GALNT17: variants seen among roughly 807,000 people sequenced by gnomAD.
GALNT17 encodes the protein UDP-GalNAc:polypeptide N-acetylgalactosaminyltransferase-like 3.
A neutral mutation model predicts 63.7 loss-of-function variants in GALNT17; 29 were observed. That is an observed-to-expected ratio of 0.46 (90% confidence interval 0.34 to 0.62). The LOEUF (loss-of-function observed/expected upper bound fraction) is 0.62, where lower values mean the gene tolerates loss of function less well. Ranked by LOEUF, GALNT17 falls within the 20% of genes least tolerant of loss-of-function variation. The probability of loss-of-function intolerance (pLI) is 0.01; values close to 1 mark genes in which losing one functional copy is unlikely to be tolerated. For missense variants in GALNT17, 603 were observed against 799.6 expected (o/e 0.75, Z 2.97); for synonymous variants, 305 against 318.3 (o/e 0.96, Z 0.45).
intron 6 of GALNT17, among the ~76,000 whole-genome samples, chr7:71,658,126 T>G (rs981536491): frequency 2.6e-5 from 4 of 152,144 alleles, no homozygotes; most frequent in Admixed American, 6.5e-5. Context: ...AGGCTGGTCT[T>G]GAACTCCTGG....
At chr7:71,379,694 G>A (rs1583904786) in intron 2 of GALNT17, among the ~76,000 whole-genome samples, 1 of 152,082 alleles carries the variant, frequency 6.6e-6, no homozygotes, top group African/African-American at 2.4e-5. Flanking sequence ...GCAAAGACAG[G>A]GTGGTACAAA....
intron 7 of GALNT17, 25 bp downstream of exon 7, chr7:71,665,621 C>G (rs1406212533): frequency 6.2e-7 from 1 of 1,609,320 alleles, no homozygotes; most frequent in South Asian, 1.1e-5. Flanking sequence ...CCTTTCCCCA[C>G]CACCCCAGTA....
intron 6 of GALNT17, among the ~76,000 whole-genome samples, chr7:71,646,660 A>G (rs1197706863): frequency 6.6e-6 from 1 of 151,534 alleles, no homozygotes; most frequent in Non-Finnish European, 1.5e-5. Context: ...GAACCCTCCT[A>G]TGCTTGGACC....
rs1790541569 is a variant in GALNT17 at position 71,269,113 on chromosome 7, C to CAGGGCTCATCTTTGACCACTGCCAAG, written c.239-66433_239-66408dup. Among the ~76,000 whole-genome samples, 6 of 152,304 alleles carry CAGGGCTCATCTTTGACCACTGCCAAG rather than the reference C, an allele frequency of 3.9e-5. No individual in the cohort carries two copies. The East Asian group carries it at 1.2e-3, about 29-fold the overall frequency. On this transcript the variant is annotated intron_variant, in intron 1 of 10. Transcript: ENST00000333538. Reference sequence around the variant, plus strand: ...GAGAACCCTCAGCCGGGCCCTTTAACAGGGCTCATCTTTGACCACTGCCAA... The same window carrying CAGGGCTCATCTTTGACCACTGCCAAG: ...GAGAACCCTCAGCCGGGCCCTTTAACAGGGCTCATCTTTGACCACTGCCAAGAGGGCTCATCTTTGACCACTGCCAA...
chr7:71,253,918 A>G lies in GALNT17; in HGVS notation c.239-81632A>G, dbSNP rs185963167. ...TTGAGGGAAAGAGTCAAATTCTGTA[A>G]GATATTTGAAGAGATTTGTTCTGAG... is the stretch of plus-strand genomic sequence containing the variant. On this transcript the variant is annotated intron_variant, in intron 1 of 10. Coordinates refer to ENST00000333538, the MANE Select transcript of GALNT17 (RefSeq NM_022479.3). 1.1e-3 allele frequency among the ~76,000 whole-genome samples: 162 copies of G among 152,172 alleles called. 1 individual carries two copies. Among genetic ancestry groups the G allele is most frequent in the Non-Finnish European group, 2.9e-4 (20 of 68,008 alleles).
intron 5 of GALNT17, among the ~76,000 whole-genome samples, chr7:71,473,339 T>C (rs1056196180): frequency 1.3e-5 from 2 of 152,204 alleles, no homozygotes; most frequent in African/African-American, 4.8e-5. Context: ...CTTCTAGACC[T>C]GGTAAAGGCC....
Position 71,669,962 on chromosome 7 carries a change from C to G in GALNT17, c.1267-10C>G, listed in dbSNP as rs1791043887. ...GTCACTAACACCCCTTGGCTTCTCT[C>G]TCCTTTCAGAATCCGGGAATTGACA... On this transcript the variant is annotated splice_polypyrimidine_tract_variant and intron_variant, in intron 7 of 10. Coordinates refer to ENST00000333538, the MANE Select transcript of GALNT17 (RefSeq NM_022479.3). The G allele has an allele frequency of 6.2e-7, 1 of 1,613,862 alleles. No individual in the cohort carries two copies.
At chr7:71,685,078 C>T (rs1791332559) in intron 9 of GALNT17, among the ~76,000 whole-genome samples, 1 of 152,128 alleles carries the variant, frequency 6.6e-6, no homozygotes, top group Admixed American at 6.6e-5. Context: ...CTCTGATCTG[C>T]ATCTGGTGAA....
chr7:71,279,960 A>C (rs949410877), intron 1 of GALNT17, among the ~76,000 whole-genome samples: 7 of 152,048 alleles, frequency 4.6e-5, no homozygotes, highest in Non-Finnish European at 7.4e-5. Flanking sequence ...TTGTTTCTCT[A>C]TCCTCTGGAT....
intron 5 of GALNT17, among the ~76,000 whole-genome samples, chr7:71,527,276 A>G (rs1310647604): frequency 2.6e-5 from 4 of 152,236 alleles, no homozygotes; most frequent in African/African-American, 9.6e-5. Context: ...AAACCATTAT[A>G]TACTGGCCAT....
chr7:71,562,244 G>A (rs1789268944), intron 5 of GALNT17, among the ~76,000 whole-genome samples: 1 of 152,134 alleles, frequency 6.6e-6, no homozygotes, highest in South Asian at 2.1e-4. Flanking sequence ...GATTACAGGT[G>A]TGCACCACTG....
At chr7:71,611,016 C>G (rs1325198444) in intron 6 of GALNT17, among the ~76,000 whole-genome samples, 2 of 151,644 alleles carry the variant, frequency 1.3e-5, no homozygotes, top group African/African-American at 2.4e-5. Context: ...GTCCACTGGC[C>G]ACATAACCTC....
intron 6 of GALNT17, among the ~76,000 whole-genome samples, chr7:71,627,577 C>G (rs1790392251): frequency 6.6e-6 from 1 of 152,142 alleles, no homozygotes; most frequent in South Asian, 2.1e-4. Context: ...GAGGTACAAC[C>G]ACGGCCTCCC....
intron 1 of GALNT17, among the ~76,000 whole-genome samples, chr7:71,183,552 C>T (rs757295723): frequency 1.3e-5 from 2 of 152,194 alleles, no homozygotes; most frequent in Middle Eastern, 3.4e-3. Context: ...TGAGGTCAGA[C>T]GCCTTGGAGA....
At chr7:71,618,576 C>T (rs1040012921) in intron 6 of GALNT17, among the ~76,000 whole-genome samples, 11 of 152,064 alleles carry the variant, frequency 7.2e-5, no homozygotes, top group African/African-American at 2.7e-4. Context: ...TTATGCTCAC[C>T]ATTTTTTCAT....
intron 5 of GALNT17, among the ~76,000 whole-genome samples, chr7:71,543,498 C>T (rs1252789472): frequency 1.3e-5 from 2 of 152,130 alleles, no homozygotes; most frequent in Non-Finnish European, 1.5e-5. Flanking sequence ...GGAAAGTCCT[C>T]GGACACATAC....
intron 5 of GALNT17, among the ~76,000 whole-genome samples, chr7:71,437,821 C>A (rs1786992955): frequency 6.6e-6 from 1 of 152,176 alleles, no homozygotes; most frequent in Non-Finnish European, 1.5e-5. Flanking sequence ...CTCAAGCAAT[C>A]TTCCCACCTT....
chr7:71,482,081 A>ATG lies in GALNT17; in HGVS notation c.962+61008_962+61009dup, dbSNP rs10678512. ...GATGTATAGGTATACATATATGTATATGTGTGTGTGTGTGTGTGTGTGTGT... is the reference window on the plus strand; with the variant it reads ...GATGTATAGGTATACATATATGTATATGTGTGTGTGTGTGTGTGTGTGTGTGT... On this transcript the variant is annotated intron_variant, in intron 5 of 10. Transcript: ENST00000333538. Among the ~76,000 whole-genome samples, 671 of 138,244 alleles carry ATG rather than the reference A, an allele frequency of 4.9e-3. 6 individuals are homozygous for ATG. Among genetic ancestry groups the ATG allele is most frequent in the African/African-American group, 0.017 (609 of 35,866 alleles). 90.7% of individuals were successfully genotyped at this position (138,244 alleles called of 152,430 possible).
At chr7:71,662,336 G>A (rs542452) in intron 6 of GALNT17, among the ~76,000 whole-genome samples, 4,827 of 39,530 alleles carry the variant, frequency 0.12, 113 homozygotes, top group Non-Finnish European at 0.17. Flanking sequence ...CTATCTATCT[G>A]TCTGTCTGTC....
Sources: gnomAD v4.1 joint callset for allele counts (sites outside exome capture counted in the v4.1 genomes callset) on GRCh38, gnomAD v4.1.1 for gene constraint, MANE v1.5 for transcripts, NCBI Gene and HGNC (gene_info 2026-07-23, HGNC 2026-07-21) for gene names.